Variants in TUSC3 observed in about 807,000 individuals in gnomAD.
TUSC3 encodes dolichyl-diphosphooligosaccharide--protein glycosyltransferase subunit TUSC3.
Under a neutral mutation model 44.8 loss-of-function variants are expected in TUSC3, and 45 were observed. The observed-to-expected ratio is 1.00, with a 90% CI of 0.79 to 1.29. The LOEUF is 1.29. TUSC3 is among the 50% of genes most tolerant of loss of function. TUSC3 has a pLI of 0.00. For synonymous variants in TUSC3, 212 were observed against 152.9 expected, an observed-to-expected ratio of 1.39 and a Z score of -2.85; for missense variants, 519 against 437.9, an observed-to-expected ratio of 1.19 and a Z score of -1.65.
chr8:15,681,101 G>A (rs1185483502), intron 6 of TUSC3, among the ~76,000 whole-genome samples: 3 of 149,772 alleles, frequency 2.0e-5, no homozygotes, highest in Non-Finnish European at 4.4e-5. Flanking sequence ...TACATAGAAC[G>A]TGTTAGGGAG....
intron 2 of TUSC3, among the ~76,000 whole-genome samples, chr8:15,491,735 C>T (rs1156345762): frequency 6.6e-6 from 1 of 152,140 alleles, no homozygotes; most frequent in African/African-American, 2.4e-5. Flanking sequence ...TTTTTGTCTA[C>T]TACCGGCCAA....
At chr8:15,473,407 GA>G (rs1563260331) in intron 1 of TUSC3, among the ~76,000 whole-genome samples, 1 of 152,254 alleles carries the variant, frequency 6.6e-6, no homozygotes, top group Middle Eastern at 3.4e-3. Flanking sequence ...AAATACTATA[GA>G]AAAAACTTGG....
chr8:15,505,824 T>G (rs1388232978), intron 2 of TUSC3, among the ~76,000 whole-genome samples: 1 of 152,188 alleles, frequency 6.6e-6, no homozygotes, highest in Non-Finnish European at 1.5e-5. Flanking sequence ...ATGAAAAAAT[T>G]CAATAGTCTT....
At chr8:15,432,146 C>T (rs951696508) in intron 1 of TUSC3, among the ~76,000 whole-genome samples, 2 of 151,912 alleles carry the variant, frequency 1.3e-5, no homozygotes, top group African/African-American at 4.8e-5. Context: ...GGAAGTGTTC[C>T]TCCTCCTCAA....
chr8:15,474,817 C>G (rs1463856331), intron 1 of TUSC3, among the ~76,000 whole-genome samples: 2 of 152,188 alleles, frequency 1.3e-5, no homozygotes, highest in African/African-American at 4.8e-5. Flanking sequence ...AGTCCCACTT[C>G]TCACATTGCT....
intron 6 of TUSC3, among the ~76,000 whole-genome samples, chr8:15,695,191 T>C (rs995731050): frequency 3.9e-5 from 6 of 152,284 alleles, no homozygotes; most frequent in Admixed American, 2.6e-4. Flanking sequence ...CCCACCTAAA[T>C]CTCATCTTGA....
intron 9 of TUSC3, among the ~76,000 whole-genome samples, chr8:15,752,384 C>T (rs1231231725): frequency 2.0e-5 from 3 of 150,092 alleles, no homozygotes; most frequent in Non-Finnish European, 4.4e-5. Flanking sequence ...GTTTAAAATA[C>T]ATTAATTAGA....
At chr8:15,513,078 CA>C (rs1488257708) in intron 2 of TUSC3, among the ~76,000 whole-genome samples, 1 of 150,126 alleles carries the variant, frequency 6.7e-6, no homozygotes, top group Admixed American at 6.7e-5. Context: ...GTAACGTTAC[CA>C]AAATTATTAC....
At chr8:15,569,909 T>A (rs118009062) in intron 1 of TUSC3, among the ~76,000 whole-genome samples, 1 of 151,992 alleles carries the variant, frequency 6.6e-6, no homozygotes, top group African/African-American at 2.4e-5. Context: ...CTCTAATTTT[T>A]AAATTCAGCA....
At chr8:15,850,871 G>C in the TUSC3 span, among the ~76,000 whole-genome samples, 6 of 152,266 alleles carry the variant, frequency 3.9e-5, no homozygotes, top group East Asian at 1.9e-4. Flanking sequence ...TCTATGAGTT[G>C]AAACCTCCTT....
At chr8:15,486,490 G>A (rs1800734994) in intron 2 of TUSC3, among the ~76,000 whole-genome samples, 1 of 152,030 alleles carries the variant, frequency 6.6e-6, no homozygotes, top group South Asian at 2.1e-4. Context: ...TTTTGCCCAG[G>A]TTGGAGTACA....
At chr8:15,457,075 C>A (rs1416187164) in intron 1 of TUSC3, among the ~76,000 whole-genome samples, 5 of 150,486 alleles carry the variant, frequency 3.3e-5, no homozygotes, top group Non-Finnish European at 4.4e-5. Flanking sequence ...GGATAAAAAA[C>A]CAAACACTGC....
At chr8:15,722,173 G>A (rs566206746) in intron 6 of TUSC3, among the ~76,000 whole-genome samples, 2 of 151,594 alleles carry the variant, frequency 1.3e-5, no homozygotes, top group Non-Finnish European at 2.9e-5. Flanking sequence ...GACTTTCTAC[G>A]GAGGGGCAGC....
At chr8:15,569,403 A>T (rs1474385275) in intron 1 of TUSC3, among the ~76,000 whole-genome samples, 1 of 152,158 alleles carries the variant, frequency 6.6e-6, no homozygotes, top group African/African-American at 2.4e-5. Context: ...CGTGAATTTG[A>T]GATAAAAAAT....
chr8:15,815,748 T>G, the TUSC3 span, among the ~76,000 whole-genome samples: 4 of 152,136 alleles, frequency 2.6e-5, no homozygotes, highest in African/African-American at 4.8e-5. Flanking sequence ...TCAAATCTCT[T>G]GATTCAGATA....
the TUSC3 span, among the ~76,000 whole-genome samples, chr8:15,832,739 A>AAT: frequency 3.9e-5 from 6 of 152,192 alleles, no homozygotes; most frequent in South Asian, 1.2e-3. Flanking sequence ...AACTATACTA[A>AAT]ATATATATAT....
At chr8:15,772,576 A>G in the TUSC3 span, among the ~76,000 whole-genome samples, 1 of 152,204 alleles carries the variant, frequency 6.6e-6, no homozygotes, top group Non-Finnish European at 1.5e-5. Flanking sequence ...CTGGTGAGTT[A>G]CACCAAATAT....
chr8:15,429,830 C>G, intron 1 of TUSC3, among the ~76,000 whole-genome samples: 1 of 151,592 alleles, frequency 6.6e-6, no homozygotes, highest in Non-Finnish European at 1.5e-5. Flanking sequence ...ATACAAACTA[C>G]CATCAGAGAA....
upstream of TUSC3, among the ~76,000 whole-genome samples, chr8:15,535,441 C>T (rs1462183818): frequency 3.3e-5 from 5 of 152,158 alleles, no homozygotes; most frequent in Admixed American, 6.5e-5. Flanking sequence ...TCAACAAGTG[C>T]TGTATTCTGG....
Sources: gnomAD v4.1 joint callset for allele counts (sites outside exome capture counted in the v4.1 genomes callset) on GRCh38, gnomAD v4.1.1 for gene constraint, MANE v1.5 for transcripts, NCBI Gene and HGNC (gene_info 2026-07-23, HGNC 2026-07-21) for gene names.